Variants in CNTN5 observed in about 807,000 individuals in gnomAD.
The protein encoded by CNTN5 is contactin 5, also known as contactin-5.
In CNTN5, 77 loss-of-function variants were observed where a neutral mutation model predicts 129.1. The ratio of observed to expected loss-of-function variants is 0.60; its 90% CI spans 0.50 to 0.72. CNTN5 has a LOEUF of 0.72. Ranked by LOEUF, CNTN5 falls within the 30% of genes least tolerant of loss-of-function variation. CNTN5 has a pLI of 0.00. For synonymous variants in CNTN5, 509 were observed against 465.6 expected, an observed-to-expected ratio of 1.09 and a Z score of -1.20; for missense variants, 1,478 against 1,328.8, an observed-to-expected ratio of 1.11 and a Z score of -1.75.
intron 1 of CNTN5, among the ~76,000 whole-genome samples, chr11:99,280,191 A>G (rs1327066809): frequency 6.6e-6 from 1 of 151,744 alleles, no homozygotes; most frequent in Non-Finnish European, 1.5e-5. Context: ...AAAAAATACT[A>G]TATATTTTTT....
At chr11:99,792,020 G>C (rs1253271635) in intron 3 of CNTN5, among the ~76,000 whole-genome samples, 2 of 152,018 alleles carry the variant, frequency 1.3e-5, no homozygotes, top group East Asian at 3.9e-4. Flanking sequence ...GGGCTTTATA[G>C]GTATAGAATC....
At chr11:100,147,300 T>C (rs1279960686) in intron 13 of CNTN5, among the ~76,000 whole-genome samples, 1 of 152,118 alleles carries the variant, frequency 6.6e-6, no homozygotes, top group Non-Finnish European at 1.5e-5. Context: ...AGCTCTTCCG[T>C]CTGGTCTTTT....
At chr11:99,120,782 G>A (rs1377743067) in intron 1 of CNTN5, among the ~76,000 whole-genome samples, 2 of 152,014 alleles carry the variant, frequency 1.3e-5, no homozygotes, top group African/African-American at 2.4e-5. Flanking sequence ...AGATGCAGAT[G>A]TACAAAATTT....
chr11:99,072,854 T>C (rs1202884626), intron 1 of CNTN5, among the ~76,000 whole-genome samples: 2 of 152,184 alleles, frequency 1.3e-5, no homozygotes, highest in African/African-American at 4.8e-5. Flanking sequence ...GTATCTCAAA[T>C]GATTCCTTTG....
intron 3 of CNTN5, among the ~76,000 whole-genome samples, chr11:99,699,976 T>C (rs189188053): frequency 3.7e-4 from 56 of 151,486 alleles, no homozygotes; most frequent in Non-Finnish European, 5.6e-4. Flanking sequence ...ATTGGGTAAA[T>C]GAATGAATAT....
chr11:99,990,510 T>C (rs1455774772), intron 8 of CNTN5, among the ~76,000 whole-genome samples: 2 of 150,144 alleles, frequency 1.3e-5, no homozygotes, highest in African/African-American at 4.9e-5. Flanking sequence ...AAAAACATTT[T>C]CTCCTAATGA....
At chr11:100,278,573 A>T (rs1950566859) in intron 18 of CNTN5, among the ~76,000 whole-genome samples, 1 of 151,962 alleles carries the variant, frequency 6.6e-6, no homozygotes, top group Non-Finnish European at 1.5e-5. Flanking sequence ...GCTATTGTAA[A>T]TAAGATAAGT....
At chr11:99,631,818 T>A (rs996106189) in intron 3 of CNTN5, among the ~76,000 whole-genome samples, 3 of 152,108 alleles carry the variant, frequency 2.0e-5, no homozygotes, top group Non-Finnish European at 2.9e-5. Context: ...GCAGTTTTGC[T>A]TTCTGTGGTT....
intron 13 of CNTN5, among the ~76,000 whole-genome samples, chr11:100,115,663 G>A (rs1945819348): frequency 6.6e-6 from 1 of 151,956 alleles, no homozygotes; most frequent in African/African-American, 2.4e-5. Context: ...TCAGTTTATA[G>A]CAGGAATGTT....
chr11:99,232,463 G>C lies in CNTN5; in HGVS notation c.-209-92883G>C, dbSNP rs569826186. 2.0e-5 allele frequency among the ~76,000 whole-genome samples: 3 copies of C among 152,108 alleles called. No homozygotes were observed. In the East Asian group the frequency reaches 5.8e-4, roughly 29 times the overall value. On this transcript the variant is annotated intron_variant, in intron 1 of 24. Coordinates refer to ENST00000524871, the MANE Select transcript of CNTN5 (RefSeq NM_014361.4). Reference sequence around the variant, plus strand: ...TTTGCCTCTCTGCTTACCTGTTGTTGGTGTATAGGAATGCCTGTCATTTTT... The same window carrying C: ...TTTGCCTCTCTGCTTACCTGTTGTTCGTGTATAGGAATGCCTGTCATTTTT...
intron 3 of CNTN5, among the ~76,000 whole-genome samples, chr11:99,720,090 T>A (rs184727389): frequency 6.6e-6 from 1 of 152,238 alleles, no homozygotes; most frequent in African/African-American, 2.4e-5. Flanking sequence ...ATAGCTGAAT[T>A]CTACCAGATG....
chr11:99,557,878 A>G (rs1948724015), intron 3 of CNTN5, among the ~76,000 whole-genome samples: 1 of 151,778 alleles, frequency 6.6e-6, no homozygotes, highest in South Asian at 2.1e-4. Context: ...CACTCATCTA[A>G]ATGCTTTTAC....
chr11:99,899,347 A>G (rs1036482671), intron 6 of CNTN5, among the ~76,000 whole-genome samples: 3 of 151,916 alleles, frequency 2.0e-5, no homozygotes, highest in African/African-American at 7.2e-5. Context: ...GTTCAATCTG[A>G]TGTTGCCTGT....
chr11:99,933,376 A>G (rs1408068711), intron 7 of CNTN5, among the ~76,000 whole-genome samples: 2 of 152,206 alleles, frequency 1.3e-5, no homozygotes, highest in African/African-American at 4.8e-5. Flanking sequence ...AATGAACATC[A>G]GCAACTTTTA....
intron 6 of CNTN5, among the ~76,000 whole-genome samples, chr11:99,875,098 C>A (rs899958913): frequency 6.6e-6 from 1 of 152,010 alleles, no homozygotes; most frequent in African/African-American, 2.4e-5. Context: ...TACATATAAC[C>A]CAAATTGAGG....
chr11:100,241,960 C>T (rs1423217132), intron 16 of CNTN5, among the ~76,000 whole-genome samples: 8 of 152,186 alleles, frequency 5.3e-5, no homozygotes, highest in Non-Finnish European at 1.5e-5. Flanking sequence ...AGTCCTACAG[C>T]CTTTGAGAGC....
At chr11:100,273,270 C>A (rs921085497) in intron 18 of CNTN5, among the ~76,000 whole-genome samples, 1 of 152,154 alleles carries the variant, frequency 6.6e-6, no homozygotes, top group Non-Finnish European at 1.5e-5. Flanking sequence ...TCTTTCCCCA[C>A]ACTGCAGCCG....
intron 3 of CNTN5, among the ~76,000 whole-genome samples, chr11:99,582,573 A>T (rs1033907168): frequency 6.6e-6 from 1 of 151,764 alleles, no homozygotes; most frequent in South Asian, 2.1e-4. Context: ...CATTTCATTC[A>T]TTTCGTCTTC....
At chr11:99,536,410 A>G (rs1310297671) in intron 2 of CNTN5, among the ~76,000 whole-genome samples, 1 of 152,134 alleles carries the variant, frequency 6.6e-6, no homozygotes, top group Non-Finnish European at 1.5e-5. Flanking sequence ...AAAAATGTCT[A>G]AGACATATTC....
Sources: gnomAD v4.1 joint callset for allele counts (sites outside exome capture counted in the v4.1 genomes callset) on GRCh38, gnomAD v4.1.1 for gene constraint, MANE v1.5 for transcripts, NCBI Gene and HGNC (gene_info 2026-07-23, HGNC 2026-07-21) for gene names.